PDE4DIP: variants seen among roughly 807,000 people sequenced by gnomAD.
PDE4DIP encodes phosphodiesterase 4D interacting protein.
Under a neutral mutation model 221.4 loss-of-function variants are expected in PDE4DIP, and 59 were observed. That is an observed-to-expected ratio of 0.27 (90% CI 0.22 to 0.33). The LOEUF (loss-of-function observed/expected upper bound fraction) is 0.33, where lower values mean the gene tolerates loss of function less well. Among genes scored for constraint, PDE4DIP ranks in the 10% least tolerant of loss-of-function variants. PDE4DIP has a pLI of 1.00. For synonymous variants in PDE4DIP, 404 were observed against 815.9 expected, an observed-to-expected ratio of 0.50 and a Z score of 8.60; for missense variants, 1,036 against 2,154.2, an observed-to-expected ratio of 0.48 and a Z score of 10.28.
At chr1:148,820,680 C>T (rs1306231905) in intron 1 of PDE4DIP, among the ~76,000 whole-genome samples, 1 of 148,332 alleles carries the variant, frequency 6.7e-6, no homozygotes, top group African/African-American at 2.5e-5. Context: ...GTGTCCATTC[C>T]TCCCTTCTTT....
intron 1 of PDE4DIP, among the ~76,000 whole-genome samples, chr1:148,917,125 G>A (rs1309489552): frequency 2.0e-5 from 3 of 150,328 alleles, no homozygotes; most frequent in African/African-American, 4.9e-5. Context: ...GAGAATCGCT[G>A]AGATCATGGG....
chr1:148,940,811 T>C (rs2050359975), intron 5 of PDE4DIP, among the ~76,000 whole-genome samples: 1 of 151,208 alleles, frequency 6.6e-6, no homozygotes, highest in Non-Finnish European at 1.5e-5. Flanking sequence ...CAAGGACTGG[T>C]AGTGTCTTCC....
At chr1:148,972,635 C>A (rs782075095) in intron 16 of PDE4DIP, 43 bp downstream of exon 19, 18 of 473,800 alleles carry the variant, frequency 3.8e-5, no homozygotes, top group Non-Finnish European at 5.1e-5. Flanking sequence ...TTGTTTTTCT[C>A]TTGTTTTTTC....
chr1:148,933,439 TCAC>T (rs1278764424), intron 4 of PDE4DIP, among the ~76,000 whole-genome samples: 1 of 152,106 alleles, frequency 6.6e-6, no homozygotes, highest in African/African-American at 2.4e-5. Context: ...ATTATTGAGG[TCAC>T]CACCATCTAC....
intron 1 of PDE4DIP, among the ~76,000 whole-genome samples, chr1:148,862,349 G>T (rs1207333004): frequency 6.8e-5 from 10 of 147,744 alleles, no homozygotes; most frequent in Non-Finnish European, 1.5e-4. Context: ...GGCTTGAGAA[G>T]TATTTGTTGA....
chr1:148,821,851 CAGTA>C (rs1288671573), intron 1 of PDE4DIP, among the ~76,000 whole-genome samples: 3 of 149,814 alleles, frequency 2.0e-5, no homozygotes, highest in Admixed American at 6.6e-5. Context: ...CTGGCTATTG[CAGTA>C]AGTAACACCA....
chr1:148,885,418 T>C (rs1453030235), upstream of PDE4DIP, among the ~76,000 whole-genome samples: 1 of 151,572 alleles, frequency 6.6e-6, no homozygotes, highest in East Asian at 2.0e-4. Flanking sequence ...CTTCCTGTTT[T>C]TGAGAAATAA....
At chr1:149,012,970 A>G (rs1553607039) in intron 32 of PDE4DIP, among the ~76,000 whole-genome samples, 194 bp downstream of exon 35, 1 of 151,792 alleles carries the variant, frequency 6.6e-6, no homozygotes, top group Admixed American at 6.6e-5. Context: ...ATGTCTCATC[A>G]GTTAACAGGT....
At chr1:148,944,768 G>T (rs12119064) in intron 5 of PDE4DIP, among the ~76,000 whole-genome samples, 2 of 151,954 alleles carry the variant, frequency 1.3e-5, no homozygotes, top group African/African-American at 2.4e-5. Flanking sequence ...CTACTGGGGA[G>T]GCTGAGGCAG....
At chr1:148,985,292 A>G (rs1274868958) in intron 21 of PDE4DIP, 1 of 152,094 alleles carries the variant, frequency 6.6e-6, no homozygotes, top group South Asian at 2.1e-4. Context: ...AACAGAAGGA[A>G]TGAGTCAGTA....
intron 21 of PDE4DIP, among the ~76,000 whole-genome samples, chr1:148,987,263 A>G (rs2062076606): frequency 6.6e-6 from 1 of 152,122 alleles, no homozygotes; most frequent in African/African-American, 2.4e-5. Context: ...GTCTAGATAG[A>G]GAATTTTATT....
rs1478936667 is a variant in PDE4DIP at position 148,826,170 on chromosome 1, G to C, written c.233+17433G>C. Among the ~76,000 whole-genome samples the C allele has an allele frequency of 2.1e-5, 2 of 97,240 alleles. 1 individual carries two copies. Among genetic ancestry groups the C allele is most frequent in the Non-Finnish European group, 4.4e-5 (2 of 45,662 alleles). The allele number at this position is 97,240 out of a possible 152,430, so 63.8% of individuals were successfully genotyped here. On this transcript the variant is annotated intron_variant, in intron 1 of 45. Transcript: ENST00000524974. ...ATCAGCACCAGACCCTTCTGGTTTT[G>C]ATTTTTTTTCCCTCCCTCTATCTCC...
At chr1:149,001,741 T>C (rs2065705680) in exon 24 of PDE4DIP, 1 of 1,488,828 alleles carries the variant, frequency 6.7e-7, no homozygotes, top group Admixed American at 1.7e-5. Flanking sequence ...TGAGTGAGAG[T>C]AGCCTTCAGG....
chr1:148,912,205 C>T (rs1382559136), intron 1 of PDE4DIP, among the ~76,000 whole-genome samples: 1 of 145,636 alleles, frequency 6.9e-6, no homozygotes, highest in African/African-American at 2.6e-5. Context: ...TATGGCCTTC[C>T]AAGCTGACCT....
chr1:149,001,170 A>G (rs1360789842), intron 23 of PDE4DIP, among the ~76,000 whole-genome samples: 4 of 152,270 alleles, frequency 2.6e-5, no homozygotes, highest in Admixed American at 6.5e-5. Context: ...CTAAGTCCCA[A>G]TGGTTTGAAA....
chr1:148,973,108 G>A (rs2059512776), intron 16 of PDE4DIP, among the ~76,000 whole-genome samples: 2 of 133,952 alleles, frequency 1.5e-5, no homozygotes, highest in Admixed American at 1.5e-4. Flanking sequence ...GTGGGTAATG[G>A]CATTCAGAAA....
At position 149,032,149 on chromosome 1, in the gene PDE4DIP, A is replaced by T. The variant is rs372847794; in HGVS notation, c.*164A>T. On this transcript the variant is annotated 3_prime_UTR_variant, in exon 44 of 44. Transcript: ENST00000369354. The stretch of plus-strand genomic sequence containing the variant: ...GAGGGTCCAGAAGAGGGAGTCAGAG[A>T]TGTATCCTGGTGGAGCTGGGAGAAA... 2,486 of 1,381,204 alleles carry T rather than the reference A, an allele frequency of 1.8e-3. 52 individuals carry two copies. The Admixed American group carries it at 0.033, about 18-fold the overall frequency. 85.6% of individuals were successfully genotyped at this position (1,381,204 alleles called of 1,614,324 possible).
At chr1:148,978,299 G>A in exon 19 of PDE4DIP, 2 of 1,607,112 alleles carry the variant, frequency 1.2e-6, no homozygotes, top group South Asian at 2.2e-5. Context: ...GCAACTGGTT[G>A]ATCCTGAAGA....
chr1:148,981,295 G>A (rs782765179), exon 21 of PDE4DIP: 2 of 1,613,742 alleles, frequency 1.2e-6, no homozygotes, highest in Non-Finnish European at 1.7e-6. Context: ...AACTCTGCAG[G>A]TGGAACTGGA....
Sources: gnomAD v4.1 joint callset for allele counts (sites outside exome capture counted in the v4.1 genomes callset) on GRCh38, gnomAD v4.1.1 for gene constraint, MANE v1.5 for transcripts, NCBI Gene and HGNC (gene_info 2026-07-23, HGNC 2026-07-21) for gene names.